Variants in LIN28A observed in about 807,000 individuals in gnomAD.
LIN28A encodes protein lin-28 homolog A.
Under a neutral mutation model 21.1 loss-of-function variants are expected in LIN28A, and 11 were observed. That is an observed-to-expected ratio of 0.52 (90% CI 0.33 to 0.86). The LOEUF (loss-of-function observed/expected upper bound fraction) is 0.86. LIN28A is among the 40% of genes least tolerant of loss of function. The pLI is 0.03. For synonymous variants in LIN28A, 111 were observed against 108.7 expected (o/e 1.02, Z -0.13); for missense variants, 219 against 279.8 (o/e 0.78, Z 1.55).
intron 2 of LIN28A, among the ~76,000 whole-genome samples, chr1:26,420,192 C>T (rs2075020463): frequency 6.6e-6 from 1 of 152,024 alleles, no homozygotes; most frequent in Admixed American, 6.6e-5. Context: ...ACTCCTGAGC[C>T]TCAAGCTCAG....
At chr1:26,422,848 T>C (rs913378993) in intron 2 of LIN28A, among the ~76,000 whole-genome samples, 1 of 152,204 alleles carries the variant, frequency 6.6e-6, no homozygotes, top group Non-Finnish European at 1.5e-5. Context: ...GATCGTGGTA[T>C]GTTTTTGCAT....
At chr1:26,417,468 T>G (rs1443363580) in intron 2 of LIN28A, among the ~76,000 whole-genome samples, 1 of 152,236 alleles carries the variant, frequency 6.6e-6, no homozygotes, top group East Asian at 1.9e-4. Flanking sequence ...TCATTAAAAT[T>G]ACTTTCATCA....
At chr1:26,425,601 G>A (rs1281296493) in intron 3 of LIN28A, 114 bp downstream of exon 3, 6 of 1,000,308 alleles carry the variant, frequency 6.0e-6, no homozygotes, top group African/African-American at 1.6e-5. Context: ...GTCCCTGGCA[G>A]CATCTGGAAG....
Position 26,411,304 on chromosome 1 carries a change from C to T in LIN28A, c.32-82C>T. 8.2e-6 allele frequency: 11 copies of T among 1,342,410 alleles called. No homozygotes were observed. The highest frequency in any genetic ancestry group is 1.1e-5 in the Non-Finnish European group (11 of 1,011,122). The allele number at this position is 1,342,410 out of a possible 1,614,324, so 83.2% of individuals were successfully genotyped here. On this transcript the variant is annotated intron_variant, in intron 1 of 3. Coordinates refer to ENST00000326279, the MANE Select transcript of LIN28A (RefSeq NM_024674.6). This position sits in a 1 kb window ranked among gnomAD's most constrained non-coding sequence, Gnocchi z 5.4. Reference sequence around the variant, plus strand: ...GGCTGTCCACTTGTGGGGCTGGATACTCGGGTCTCCCTGCCTGGGGCCCGA... The same window carrying T: ...GGCTGTCCACTTGTGGGGCTGGATATTCGGGTCTCCCTGCCTGGGGCCCGA...
At chr1:26,425,173 G>C in intron 2 of LIN28A, 130 bp from the exon 3 acceptor site, 1 of 853,460 alleles carries the variant, frequency 1.2e-6, no homozygotes, top group East Asian at 2.7e-5. Context: ...GACTCTTTGA[G>C]TCAGTTTCCT....
intron 2 of LIN28A, among the ~76,000 whole-genome samples, chr1:26,421,694 A>T (rs1415758369): frequency 1.3e-5 from 2 of 152,072 alleles, no homozygotes; most frequent in Non-Finnish European, 2.9e-5. Context: ...TTTCTTACCT[A>T]TTGATTTCTC....
intron 2 of LIN28A, among the ~76,000 whole-genome samples, chr1:26,418,595 C>T (rs916161233): frequency 6.6e-6 from 1 of 152,032 alleles, no homozygotes. Flanking sequence ...GCCACATTCC[C>T]CAACACAGTA....
At chr1:26,421,677 A>G (rs887871427) in intron 2 of LIN28A, among the ~76,000 whole-genome samples, 1 of 152,114 alleles carries the variant, frequency 6.6e-6, no homozygotes, top group Non-Finnish European at 1.5e-5. Flanking sequence ...GCATTTATTG[A>G]ATTATTTTTC....
rs1570318971 is a variant in LIN28A at position 26,426,328 on chromosome 1, T to C, written c.500T>C (p.Ile167Thr). Residue 167 changes from isoleucine (I) to threonine (T), a missense_variant, in exon 4 of 4, where the codon ATC (isoleucine) becomes ACC (threonine). Physicochemically the swap from Ile to Thr is moderately conservative, Grantham distance 89. Coordinates refer to ENST00000326279, the MANE Select transcript of LIN28A (RefSeq NM_024674.6). Reference sequence around the variant, plus strand: ...AAGAAGTGCCACTTCTGCCAGAGCATCAGCCATATGGTAGCCTCATGTCCG... The same window carrying C: ...AAGAAGTGCCACTTCTGCCAGAGCACCAGCCATATGGTAGCCTCATGTCCG... ...QPKKCHFCQS[I>T]SHMVASCPLK... 6.2e-7 allele frequency: 1 copy of C among 1,614,200 alleles called. No individual in the cohort carries two copies. Among genetic ancestry groups the C allele is most frequent in the Non-Finnish European group, 8.5e-7 (1 of 1,180,028 alleles).
chr1:26,423,680 G>A (rs2075041484), intron 2 of LIN28A, among the ~76,000 whole-genome samples: 1 of 151,754 alleles, frequency 6.6e-6, no homozygotes, highest in Non-Finnish European at 1.5e-5. Flanking sequence ...CCAAAGTGCT[G>A]GGATTACAGG....
At chr1:26,423,415 T>TTC (rs1553178059) in intron 2 of LIN28A, among the ~76,000 whole-genome samples, 1 of 82,052 alleles carries the variant, frequency 1.2e-5, no homozygotes, top group Admixed American at 1.1e-4. Flanking sequence ...TTCTTTTTCT[T>TTC]TTTTTTTTTT....
At chr1:26,415,162 G>A (rs546625422) in intron 2 of LIN28A, among the ~76,000 whole-genome samples, 5 of 152,146 alleles carry the variant, frequency 3.3e-5, no homozygotes, top group Non-Finnish European at 1.5e-5. Flanking sequence ...AGAAGACTTG[G>A]AGTCAAAAGC....
At chr1:26,416,063 G>A (rs992285592) in intron 2 of LIN28A, among the ~76,000 whole-genome samples, 1 of 152,100 alleles carries the variant, frequency 6.6e-6, no homozygotes, top group Non-Finnish European at 1.5e-5. Context: ...CACGAACTCG[G>A]CTCACTGCAA....
chr1:26,418,389 AC>A (rs1207424390), intron 2 of LIN28A, among the ~76,000 whole-genome samples: 1 of 152,132 alleles, frequency 6.6e-6, no homozygotes, highest in Admixed American at 6.5e-5. Context: ...TACTAAAAAT[AC>A]AAAAAATTAG....
chr1:26,411,406 G>A lies in LIN28A; in HGVS notation c.52G>A (p.Glu18Lys), dbSNP rs2074958188. The change falls in exon 2 of 4, where the codon GAA becomes AAA. Residue 18 changes from glutamate (E) to lysine (K), a missense_variant. Coordinates refer to ENST00000326279, the MANE Select transcript of LIN28A (RefSeq NM_024674.6). This position sits in a 1 kb window ranked among gnomAD's most constrained non-coding sequence, Gnocchi z 5.4. ...TCCAGGTGGCTGCGCCAAGGCGGCA[G>A]AAGAGGCGCCCGAGGAGGCGCCGGA... ...QFAGGCAKAA[E>K]EAPEEAPEDA... The A allele has an allele frequency of 5.0e-6, 8 of 1,600,446 alleles. No individual in the cohort carries two copies. Among genetic ancestry groups the A allele is most frequent in the South Asian group, 2.2e-5 (2 of 89,722 alleles).
In LIN28A at chr1:26,411,636, C is replaced by T; in HGVS notation, c.228+54C>T. ...GGGAAGGGCGTCTAGGCGCCCATAT[C>T]CACGGGTGGGCTCCGGGCTCGCAGT... On this transcript the variant is annotated intron_variant, in intron 2 of 3. Transcript: ENST00000326279. This position sits in a 1 kb window ranked among gnomAD's most constrained non-coding sequence, Gnocchi z 5.4. The T allele has an allele frequency of 1.3e-6, 2 of 1,558,830 alleles. No homozygotes were observed. The highest frequency in any genetic ancestry group is 2.8e-5 in the African/African-American group (2 of 72,280).
chr1:26,423,308 C>T (rs1389339915), intron 2 of LIN28A, among the ~76,000 whole-genome samples: 3 of 151,668 alleles, frequency 2.0e-5, no homozygotes, highest in African/African-American at 7.3e-5. Context: ...CCCCAAAGTG[C>T]TGGGATTACA....
intron 2 of LIN28A, among the ~76,000 whole-genome samples, chr1:26,413,864 G>C (rs929155348): frequency 1.0e-5 from 1 of 98,476 alleles, no homozygotes; most frequent in South Asian, 3.5e-4. Flanking sequence ...TTTGGCTCTT[G>C]TTGGCCAGGC....
At chr1:26,417,668 T>C (rs1225293821) in intron 2 of LIN28A, among the ~76,000 whole-genome samples, 1 of 152,204 alleles carries the variant, frequency 6.6e-6, no homozygotes, top group Non-Finnish European at 1.5e-5. Context: ...AGGGTCTTCA[T>C]ATCACCCCAC....
Sources: gnomAD v4.1 joint callset for allele counts (sites outside exome capture counted in the v4.1 genomes callset) on GRCh38, gnomAD v4.1.1 for gene constraint, Gnocchi (gnomAD v3.1) non-coding constraint, MANE v1.5 for transcripts, NCBI Gene and HGNC (gene_info 2026-07-23, HGNC 2026-07-21) for gene names.